MRPL28: variants seen among roughly 807,000 people sequenced by gnomAD.
MRPL28 encodes large ribosomal subunit protein bL28m.
A neutral mutation model predicts 26.2 loss-of-function variants in MRPL28; 25 were observed. The ratio of observed to expected loss-of-function variants is 0.95; its 90% CI spans 0.69 to 1.33. MRPL28 has a LOEUF of 1.33. MRPL28 is among the 40% of genes most tolerant of loss of function. The probability of loss-of-function intolerance (pLI) is 0.00; values close to 1 mark genes in which losing one functional copy is unlikely to be tolerated. For missense variants in MRPL28, 432 were observed against 327.2 expected (o/e 1.32, Z -2.47); for synonymous variants, 227 against 140.1 (o/e 1.62, Z -4.38).
At chr16:368,838 T>C in intron 3 of MRPL28, 1 of 1,014,198 alleles carries the variant, frequency 9.9e-7, no homozygotes, top group South Asian at 1.7e-5. Context: ...GCGGCTGTGC[T>C]CGCTCAGGCC....
Position 370,237 on chromosome 16 carries a change from TG to T in MRPL28, c.-7-13del. 1 of 1,550,468 alleles carries T rather than the reference TG, an allele frequency of 6.4e-7. No individual in the cohort carries two copies. The highest frequency in any genetic ancestry group is 1.2e-5 in the South Asian group (1 of 84,926). ...GAGGCATCGCGAGCCTGGCGGGAGG[TG>T]GGGGCTCGCAGTCAGTCGCAGCCTG... On this transcript the variant is annotated splice_polypyrimidine_tract_variant and intron_variant, in intron 1 of 5. Coordinates refer to ENST00000199706, the MANE Select transcript of MRPL28 (RefSeq NM_006428.5).
chr16:369,731 C>G, intron 2 of MRPL28, 200 bp downstream of exon 2: 1 of 802,688 alleles, frequency 1.2e-6, no homozygotes, highest in Non-Finnish European at 2.1e-6. Context: ...CTGAGTCACC[C>G]CACCTCACCC....
chr16:368,836 G>A, intron 3 of MRPL28: 2 of 1,007,104 alleles, frequency 2.0e-6, no homozygotes, highest in Non-Finnish European at 2.8e-6. Flanking sequence ...GGGCGGCTGT[G>A]CTCGCTCAGG....
chr16:369,553 C>T (rs1349304462), intron 2 of MRPL28: 4 of 613,750 alleles, frequency 6.5e-6, no homozygotes, highest in South Asian at 4.7e-5. Flanking sequence ...AGTCTCCCCA[C>T]AGGCTTCAGC....
In MRPL28 at chr16:369,147, T is replaced by A; in HGVS notation, c.362A>T (p.Lys121Met). Residue 121 changes from lysine (K) to methionine (M), a missense_variant, in exon 3 of 6, where the codon AAG becomes ATG. Coordinates refer to ENST00000199706, the MANE Select transcript of MRPL28 (RefSeq NM_006428.5). ...EREFYSEILD[K>M]KFTVTVTMRT... ...CATGGTCACAGTCACTGTGAACTTC[T>A]TGTCCAGGATCTCACTGTAGAACTC... 1 of 1,614,086 alleles carries A rather than the reference T, an allele frequency of 6.2e-7. No homozygotes were observed. The highest frequency in any genetic ancestry group is 8.5e-7 in the Non-Finnish European group (1 of 1,179,954).
In MRPL28 at chr16:367,495, C is replaced by T. The variant is rs1159202879; in HGVS notation, c.*180G>A. The T allele has an allele frequency of 2.1e-5, 15 of 723,696 alleles. No homozygotes were observed. Among genetic ancestry groups the T allele is most frequent in the Non-Finnish European group, 3.8e-5 (15 of 394,088 alleles). The allele number at this position is 723,696 out of a possible 1,614,324, so 44.8% of individuals were successfully genotyped here. On this transcript the variant is annotated 3_prime_UTR_variant, in exon 6 of 6. Transcript: ENST00000199706. ...GAGAGGAGCCTCTGGGCGGCCCAGG[C>T]CTCCTGGGGATCCCTGCCAAGCTGG...
Position 368,315 on chromosome 16 carries a change from C to A in MRPL28, c.663+13G>T. The A allele has an allele frequency of 6.2e-7, 1 of 1,612,510 alleles. No individual in the cohort carries two copies. The highest frequency in any genetic ancestry group is 1.1e-5 in the South Asian group (1 of 91,070). On this transcript the variant is annotated intron_variant, in intron 5 of 5. Transcript: ENST00000199706. ...TCTGGGCAGGCAGCATCGGCTGGTG[C>A]TCACACACTCACCTTCTCCTCCAAA...
chr16:369,748 T>C, intron 2 of MRPL28, 183 bp downstream of exon 2: 2 of 849,042 alleles, frequency 2.4e-6, no homozygotes, highest in South Asian at 1.6e-5. Context: ...ACCCCTACTT[T>C]ATCAGTCCTG....
In MRPL28 at chr16:369,772, C is replaced by T. The variant is rs556660509; in HGVS notation, c.288+159G>A. Reference sequence around the variant, plus strand: ...TTATCAGTCCTGTTTGCCAGAACTGCGGTTCTTCACTCAGCGTGCTCCTTT... The same window carrying T: ...TTATCAGTCCTGTTTGCCAGAACTGTGGTTCTTCACTCAGCGTGCTCCTTT... On this transcript the variant is annotated intron_variant, in intron 2 of 5. Coordinates refer to ENST00000199706, the MANE Select transcript of MRPL28 (RefSeq NM_006428.5). 4.8e-5 allele frequency: 47 copies of T among 972,674 alleles called. No individual in the cohort carries two copies. The African/African-American group carries it at 6.4e-4, about 13-fold the overall frequency. The allele number at this position is 972,674 out of a possible 1,614,324, so 60.3% of individuals were successfully genotyped here.
chr16:369,250 C>A (rs1376988111), intron 2 of MRPL28, 30 bp from the exon 3 acceptor site: 2 of 1,604,470 alleles, frequency 1.2e-6, no homozygotes, highest in Non-Finnish European at 1.7e-6. Flanking sequence ...TCCATGAGTA[C>A]TGCTGCTTTC....
chr16:369,995 G>C lies in MRPL28; in HGVS notation c.224C>G (p.Ser75Cys), dbSNP rs764502427. 1 of 1,613,138 alleles carries C rather than the reference G, an allele frequency of 6.2e-7. No individual in the cohort carries two copies. Among genetic ancestry groups the C allele is most frequent in the Admixed American group, 1.7e-5 (1 of 60,004 alleles). Residue 75 changes from serine (S) to cysteine (C), a missense_variant, in exon 2 of 6, where the codon TCC (serine) becomes TGC (cysteine). By Grantham distance (112) the Ser-to-Cys change is moderately radical (BLOSUM62 -1). Coordinates refer to ENST00000199706, the MANE Select transcript of MRPL28 (RefSeq NM_006428.5). Reference sequence around the variant, plus strand: ...CTCGCCGCCCCACAACCCCCGCTGGGATTCGGGGGGAAAGTAGATGGGAAT... The same window carrying C: ...CTCGCCGCCCCACAACCCCCGCTGGCATTCGGGGGGAAAGTAGATGGGAAT... ...VPIPIYFPPE[S>C]QRGLWGGEGW...
rs199706376 is a variant in MRPL28 at position 369,114 on chromosome 16, A to G, written c.395T>C (p.Leu132Pro). 49 of 1,614,034 alleles carry G rather than the reference A, an allele frequency of 3.0e-5. No homozygotes were observed. In the Admixed American group the frequency reaches 7.8e-4, roughly 26 times the overall value. The change falls in exon 3 of 6, where the codon CTG becomes CCG. Residue 132 changes from leucine (L) to proline (P), a missense_variant. Transcript: ENST00000199706. ...CCCATAAGCCTCATCGATGAGGTCC[A>G]GGGTCCGCATGGTCACAGTCACTGT... The part of the protein sequence containing the change: ...KFTVTVTMRT[L>P]DLIDEAYGLD...
Position 370,305 on chromosome 16 carries a change from CTCACCCG to C in MRPL28, c.-7-87_-7-81del. The C allele has an allele frequency of 1.4e-5, 19 of 1,383,794 alleles. 4 individuals carry two copies. The highest frequency in any genetic ancestry group is 1.1e-5 in the Non-Finnish European group (12 of 1,050,828). 85.7% of individuals were successfully genotyped at this position (1,383,794 alleles called of 1,614,324 possible). ...TCACCCCCTACCCCGGCCCCCGACT[CTCACCCG>C]CTACCCCGGCCCCCGGCTCTCACCC... On this transcript the variant is annotated intron_variant, in intron 1 of 5. Coordinates refer to ENST00000199706, the MANE Select transcript of MRPL28 (RefSeq NM_006428.5).
At position 368,314 on chromosome 16, in the gene MRPL28, G is replaced by A. The variant is rs2054279336; in HGVS notation, c.663+14C>T. ...CTCTGGGCAGGCAGCATCGGCTGGT[G>A]CTCACACACTCACCTTCTCCTCCAA... On this transcript the variant is annotated intron_variant, in intron 5 of 5. Coordinates refer to ENST00000199706, the MANE Select transcript of MRPL28 (RefSeq NM_006428.5). The A allele has an allele frequency of 1.2e-6, 2 of 1,612,644 alleles. No homozygotes were observed. The highest frequency in any genetic ancestry group is 1.7e-6 in the Non-Finnish European group (2 of 1,179,538).
rs141653835 is a variant in MRPL28 at position 367,403 on chromosome 16, C to T, written c.*272G>A. On this transcript the variant is annotated 3_prime_UTR_variant, in exon 6 of 6. Coordinates refer to ENST00000199706, the MANE Select transcript of MRPL28 (RefSeq NM_006428.5). Reference sequence around the variant, plus strand: ...CAAAGATACACACACACAGCCTGGCCCAGACTTTACTCGCTCCCGGCCCCA... The same window carrying T: ...CAAAGATACACACACACAGCCTGGCTCAGACTTTACTCGCTCCCGGCCCCA... 8.2e-5 allele frequency: 58 copies of T among 707,432 alleles called. No individual in the cohort carries two copies. The highest frequency in any genetic ancestry group is 7.0e-4 in the African/African-American group (40 of 57,152). The allele number at this position is 707,432 out of a possible 1,614,324, so 43.8% of individuals were successfully genotyped here. A position where few individuals can be genotyped will look rare whatever the true frequency, so the allele number is the denominator to read the frequency against.
chr16:369,772 C>G (rs556660509), intron 2 of MRPL28, 159 bp downstream of exon 2: 3 of 972,680 alleles, frequency 3.1e-6, no homozygotes, highest in East Asian at 5.2e-5. Context: ...GCCAGAACTG[C>G]GGTTCTTCAC....
rs564744059 is a variant in MRPL28 at position 370,126 on chromosome 16, G to A, written c.93C>T (p.Ser31=). 2.6e-5 allele frequency: 42 copies of A among 1,608,292 alleles called. 1 individual carries two copies. In the South Asian group the frequency reaches 4.1e-4, roughly 16 times the overall value. The change falls in exon 2 of 6, where the codon TCC becomes TCT. Residue 31 remains serine, a synonymous_variant. Coordinates refer to ENST00000199706, the MANE Select transcript of MRPL28 (RefSeq NM_006428.5). ...CSRLPGHYLR[S]LEEERTPTPV... ...GAGTGGGCGTCCGCTCCTCCTCCAG[G>A]GAGCGCAGGTAGTGGCCGGGCAGGC...
Position 369,074 on chromosome 16 carries a change from G to A in MRPL28, c.435C>T (p.Ile145=), listed in dbSNP as rs558217839. The change falls in exon 3 of 6, where the codon ATC becomes ATT. Residue 145 remains isoleucine, a synonymous_variant. Coordinates refer to ENST00000199706, the MANE Select transcript of MRPL28 (RefSeq NM_006428.5). The part of the protein sequence containing the change: ...IDEAYGLDFY[I]LKTPKEDLCS... ...CTCGCCCCACCCCGCTTGCCTTGAGGATGTAAAAGTCGAGCCCATAAGCCT... is the reference window on the plus strand; with the variant it reads ...CTCGCCCCACCCCGCTTGCCTTGAGAATGTAAAAGTCGAGCCCATAAGCCT... 1.2e-5 allele frequency: 20 copies of A among 1,613,496 alleles called. No homozygotes were observed. The highest frequency in any genetic ancestry group is 1.7e-4 in the Middle Eastern group (1 of 5,914).
rs182517831 is a variant in MRPL28, at chr16:369,746, T to C, written c.288+185A>G. 3.0e-4 allele frequency: 255 copies of C among 843,546 alleles called. No homozygotes were observed. In the African/African-American group the frequency reaches 3.8e-3, roughly 13 times the overall value. The allele number at this position is 843,546 out of a possible 1,614,324, so 52.3% of individuals were successfully genotyped here. ...CTGAGTCACCCCACCTCACCCCTAC[T>C]TTATCAGTCCTGTTTGCCAGAACTG... is the stretch of plus-strand genomic sequence containing the variant. On this transcript the variant is annotated intron_variant, in intron 2 of 5. Coordinates refer to ENST00000199706, the MANE Select transcript of MRPL28 (RefSeq NM_006428.5).
Sources: gnomAD v4.1 joint callset for allele counts on GRCh38, gnomAD v4.1.1 for gene constraint, MANE v1.5 for transcripts, NCBI Gene and HGNC (gene_info 2026-07-23, HGNC 2026-07-21) for gene names.